The following GRIA3 variants were observed in gnomAD, a reference collection of about 807,000 sequenced individuals.
The protein encoded by GRIA3 is glutamate receptor 3.
In GRIA3, 3 loss-of-function variants were observed where a neutral mutation model predicts 63.0. The observed-to-expected ratio is 0.05, with a 90% confidence interval of 0.02 to 0.12. The LOEUF (loss-of-function observed/expected upper bound fraction) is 0.12. GRIA3 is among the 10% of genes least tolerant of loss of function. The probability of loss-of-function intolerance (pLI) is 1.00; values close to 1 mark genes in which losing one functional copy is unlikely to be tolerated. For synonymous variants in GRIA3, 274 were observed against 257.9 expected (o/e 1.06, Z -0.60); for missense variants, 347 against 700.9 (o/e 0.50, Z 5.70).
intron 5 of GRIA3, 29 bp downstream of exon 5, chrX:123,354,992 T>C (rs780019950): frequency 2.8e-6 from 3 of 1,062,030 alleles, no homozygotes; most frequent in South Asian, 3.7e-5. Flanking sequence ...CCCTGGGCAA[T>C]ATATCCTATT....
chrX:123,427,575 G>A (rs942013908), intron 11 of GRIA3, among the ~76,000 whole-genome samples: 1 of 111,333 alleles, frequency 9.0e-6, no homozygotes, highest in African/African-American at 3.3e-5. Context: ...ATCCTGCTAG[G>A]AGTGCACTTG....
At chrX:123,486,942 T>C (rs2045945136) in intron 15 of GRIA3, among the ~76,000 whole-genome samples, 1 of 112,327 alleles carries the variant, frequency 8.9e-6, no homozygotes, top group South Asian at 3.7e-4. Context: ...TCTAGTGAAA[T>C]CTGGTTAATA....
At chrX:123,446,039 T>C in intron 12 of GRIA3, among the ~76,000 whole-genome samples, 1 of 111,753 alleles carries the variant, frequency 8.9e-6, no homozygotes, top group East Asian at 2.8e-4. Context: ...TGAGCCAATC[T>C]ATGTAGGTAT....
At chrX:123,469,044 G>C (rs2045849161) in intron 13 of GRIA3, among the ~76,000 whole-genome samples, 1 of 112,446 alleles carries the variant, frequency 8.9e-6, no homozygotes, top group Admixed American at 9.4e-5. Context: ...CTAGGCAAAA[G>C]GCATATTTAA....
intron 15 of GRIA3, among the ~76,000 whole-genome samples, chrX:123,487,152 C>T (rs1351766686): frequency 1.8e-5 from 2 of 112,975 alleles, no homozygotes; most frequent in African/African-American, 3.2e-5. Context: ...TCCTCCCAAG[C>T]ATGCCTTGGC....
rs1431359009 is a variant in GRIA3, at chrX:123,358,632, G to C, written c.750+3669G>C. On this transcript the variant is annotated intron_variant, in intron 5 of 15. Coordinates refer to ENST00000620443, the MANE Select transcript of GRIA3 (RefSeq NM_007325.5). The stretch of plus-strand genomic sequence containing the variant: ...CCCAATAGAGCAAGTAAGTCTCTTA[G>C]AAATTCTTGTATCAGTTGATGATGT... The C allele has an allele frequency of 5.3e-5, 6 of 112,349 alleles. No individual in the cohort carries two copies. The East Asian group carries it at 8.4e-4, about 16-fold the overall frequency. The allele number at this position is 112,349 out of a possible 1,213,427, so 9.3% of individuals were successfully genotyped here.
chrX:123,344,753 A>G (rs2045032602), intron 4 of GRIA3, among the ~76,000 whole-genome samples: 1 of 111,370 alleles, frequency 9.0e-6, no homozygotes, highest in African/African-American at 3.3e-5. Context: ...CTGCCTACCC[A>G]GGACTCACCA....
chrX:123,318,541 G>T (rs1294753544), intron 3 of GRIA3, among the ~76,000 whole-genome samples: 5 of 111,585 alleles, frequency 4.5e-5, no homozygotes, highest in Non-Finnish European at 7.5e-5. Context: ...CTAGGGCAAG[G>T]GCAAAATGCC....
At chrX:123,290,477 A>G (rs1406064965) in intron 3 of GRIA3, among the ~76,000 whole-genome samples, 2 of 110,610 alleles carry the variant, frequency 1.8e-5, no homozygotes, top group Admixed American at 1.9e-4. Context: ...ACAGAACCAA[A>G]CAGATGAGTC....
At chrX:123,272,993 G>A (rs774288141) in intron 3 of GRIA3, among the ~76,000 whole-genome samples, 1 of 111,379 alleles carries the variant, frequency 9.0e-6, no homozygotes, top group South Asian at 3.8e-4. Context: ...AATGCCACCC[G>A]CAGTATTTCA....
chrX:123,415,022 A>G (rs1459375208), intron 10 of GRIA3, among the ~76,000 whole-genome samples: 1 of 112,134 alleles, frequency 8.9e-6, no homozygotes, highest in Non-Finnish European at 1.9e-5. Context: ...GGTTGAACTA[A>G]TTTACACTCC....
intron 5 of GRIA3, among the ~76,000 whole-genome samples, chrX:123,389,867 G>A (rs949677140): frequency 1.0e-4 from 11 of 110,085 alleles, no homozygotes; most frequent in East Asian, 5.7e-4. Flanking sequence ...CACCACGCCC[G>A]GCTAATTTTT....
At chrX:123,407,704 G>GGGGGGGGGGGA (rs2045483626) in intron 10 of GRIA3, among the ~76,000 whole-genome samples, 2 of 55,143 alleles carry the variant, frequency 3.6e-5, no homozygotes, top group Admixed American at 2.2e-4. Context: ...GGGGGGGGGG[G>GGGGGGGGGGGA]ACGTGGGGAC....
chrX:123,364,660 C>G (rs1327212044), intron 5 of GRIA3, among the ~76,000 whole-genome samples: 2 of 112,306 alleles, frequency 1.8e-5, no homozygotes, highest in African/African-American at 3.2e-5. Context: ...GAAGAGTTAT[C>G]TGCACTTTAT....
At chrX:123,337,625 G>A (rs1044794007) in intron 4 of GRIA3, among the ~76,000 whole-genome samples, 2 of 111,789 alleles carry the variant, frequency 1.8e-5, no homozygotes, top group African/African-American at 3.3e-5. Context: ...AATAGAGTGT[G>A]ACCTCAGTAA....
intron 2 of GRIA3, among the ~76,000 whole-genome samples, chrX:123,231,136 A>G (rs1451916720): frequency 1.8e-5 from 2 of 112,058 alleles, no homozygotes; most frequent in African/African-American, 6.5e-5. Context: ...TACTGTGACT[A>G]TTCAAAACAT....
intron 13 of GRIA3, among the ~76,000 whole-genome samples, chrX:123,470,458 G>A (rs2045855809): frequency 2.7e-5 from 3 of 111,657 alleles, no homozygotes; most frequent in Admixed American, 1.9e-4. Context: ...TGCTCTTAAG[G>A]TACCTAAAAA....
At chrX:123,352,344 T>C (rs1483045101) in intron 4 of GRIA3, among the ~76,000 whole-genome samples, 3 of 112,634 alleles carry the variant, frequency 2.7e-5, no homozygotes, top group Non-Finnish European at 5.6e-5. Context: ...CCTCCCAAAG[T>C]GCTGGGATTA....
intron 3 of GRIA3, among the ~76,000 whole-genome samples, chrX:123,268,513 T>C (rs896010105): frequency 9.1e-6 from 1 of 109,935 alleles, no homozygotes; most frequent in Non-Finnish European, 1.9e-5. Flanking sequence ...TATGTCATGG[T>C]TCATCAGTAA....
Sources: allele counts gnomAD v4.1 joint callset (sites outside exome capture counted in the v4.1 genomes callset), GRCh38; gene constraint gnomAD v4.1.1; transcripts MANE v1.5; gene names NCBI Gene and HGNC (gene_info 2026-07-23, HGNC 2026-07-21).